The following ASTN2 variants were observed in gnomAD, a reference collection of about 807,000 sequenced individuals.
ASTN2 encodes astrotactin 2, also known as astrotactin-2.
ASTN2 carries 54 observed loss-of-function variants against 139.8 expected under a neutral mutation model. The observed-to-expected ratio is 0.39, with a 90% CI of 0.31 to 0.48. ASTN2 has a LOEUF of 0.48. ASTN2 is among the 20% of genes least tolerant of loss of function. The pLI is 0.95. For synonymous variants in ASTN2, 756 were observed against 719.5 expected (o/e 1.05, Z -0.81); for missense variants, 1,565 against 1,725.1 (o/e 0.91, Z 1.64).
chr9:117,407,508 G>A (rs1831030782), intron 1 of ASTN2, among the ~76,000 whole-genome samples: 1 of 152,198 alleles, frequency 6.6e-6, no homozygotes, highest in African/African-American at 2.4e-5. Context: ...TCCCTTCATA[G>A]TTTGTAACCT....
chr9:117,015,248 G>A (rs183199871), intron 6 of ASTN2, among the ~76,000 whole-genome samples: 83 of 152,038 alleles, frequency 5.5e-4, no homozygotes, highest in African/African-American at 1.9e-3. Context: ...CAAACTCCTG[G>A]GCTCAAGCGA....
At chr9:117,338,289 T>C (rs1828951531) in intron 1 of ASTN2, among the ~76,000 whole-genome samples, 1 of 152,130 alleles carries the variant, frequency 6.6e-6, no homozygotes, top group Non-Finnish European at 1.5e-5. Context: ...AATGGATGTG[T>C]CTCCCCCAAC....
intron 5 of ASTN2, among the ~76,000 whole-genome samples, chr9:117,089,121 T>G (rs1015416295): frequency 4.6e-5 from 7 of 152,248 alleles, no homozygotes; most frequent in African/African-American, 1.4e-4. Context: ...TTATTAGGGT[T>G]GCTTATTCCA....
At chr9:116,726,908 C>T (rs553610495) in intron 15 of ASTN2, among the ~76,000 whole-genome samples, 57 of 152,216 alleles carry the variant, frequency 3.7e-4, no homozygotes, top group Non-Finnish European at 6.3e-4. Context: ...TCTAATGAGC[C>T]ACCCACACTA....
intron 16 of ASTN2, among the ~76,000 whole-genome samples, chr9:116,695,016 T>TTAG: frequency 6.6e-6 from 1 of 152,282 alleles, no homozygotes; most frequent in East Asian, 1.9e-4. Flanking sequence ...CATAACTATA[T>TTAG]TAGTGTTCCT....
At chr9:117,278,224 G>T (rs1190062330) in intron 2 of ASTN2, among the ~76,000 whole-genome samples, 1 of 152,160 alleles carries the variant, frequency 6.6e-6, no homozygotes, top group East Asian at 1.9e-4. Flanking sequence ...TGAGGAGAAC[G>T]TTCCAATTTA....
At chr9:117,386,530 C>T (rs971744863) in intron 1 of ASTN2, among the ~76,000 whole-genome samples, 1 of 152,164 alleles carries the variant, frequency 6.6e-6, no homozygotes, top group Non-Finnish European at 1.5e-5. Context: ...GCCAACATTT[C>T]AGGGACCAGG....
In ASTN2 at chr9:117,215,337, C is replaced by T. The variant is rs1414539369; in HGVS notation, c.631-595G>A. On this transcript the variant is annotated intron_variant, in intron 2 of 22. Transcript: ENST00000313400. ...CTGTATTTTCTTCATTTTTCAGAAACACCAGTCTTTAAATTTCTGAATTTC... is the reference window on the plus strand; with the variant it reads ...CTGTATTTTCTTCATTTTTCAGAAATACCAGTCTTTAAATTTCTGAATTTC... Among the ~76,000 whole-genome samples, 4 of 152,082 alleles carry T rather than the reference C, an allele frequency of 2.6e-5. No homozygotes were observed. In the East Asian group the frequency reaches 7.7e-4, roughly 29 times the overall value.
chr9:116,915,834 C>T (rs769405208), intron 10 of ASTN2, among the ~76,000 whole-genome samples: 1 of 152,144 alleles, frequency 6.6e-6, no homozygotes, highest in Non-Finnish European at 1.5e-5. Context: ...AAATATTTCC[C>T]TGAGTTTTGT....
chr9:116,643,697 A>T (rs1307931700), intron 17 of ASTN2, among the ~76,000 whole-genome samples: 1 of 152,194 alleles, frequency 6.6e-6, no homozygotes. Context: ...CACATAGTAC[A>T]TATATATGTA....
At chr9:116,911,966 T>C (rs1433952529) in intron 10 of ASTN2, among the ~76,000 whole-genome samples, 2 of 140,480 alleles carry the variant, frequency 1.4e-5, no homozygotes, top group Non-Finnish European at 3.3e-5. Flanking sequence ...AATCTAAAAT[T>C]AGTTAAAAAA....
chr9:117,198,312 G>C (rs1211124571), intron 3 of ASTN2, among the ~76,000 whole-genome samples: 2 of 152,136 alleles, frequency 1.3e-5, no homozygotes, highest in Non-Finnish European at 2.9e-5. Context: ...AGTGTGCTGA[G>C]GGTGATGGCT....
intron 19 of ASTN2, among the ~76,000 whole-genome samples, chr9:116,503,086 G>A (rs940353534): frequency 1.3e-5 from 2 of 150,006 alleles, no homozygotes; most frequent in African/African-American, 4.9e-5. Context: ...GGGAGGAAGG[G>A]AAGGAAGATG....
At chr9:116,581,125 G>C (rs10817903) in intron 19 of ASTN2, among the ~76,000 whole-genome samples, 61,308 of 151,984 alleles carry the variant, frequency 0.4, 13,281 homozygotes, top group Admixed American at 0.5. Context: ...CTGCCGTTAA[G>C]CTTCAGTCTT....
At chr9:117,089,657 T>C (rs1156427148) in intron 5 of ASTN2, among the ~76,000 whole-genome samples, 2 of 152,120 alleles carry the variant, frequency 1.3e-5, no homozygotes, top group African/African-American at 4.8e-5. Flanking sequence ...ACCCTATTTG[T>C]AGTCTTTTAT....
At chr9:117,297,242 C>G (rs145744316) in intron 1 of ASTN2, among the ~76,000 whole-genome samples, 2 of 152,270 alleles carry the variant, frequency 1.3e-5, no homozygotes, top group Non-Finnish European at 2.9e-5. Context: ...TGATCTTTTT[C>G]TCACTGTGGG....
At chr9:116,866,373 A>G (rs1232523290) in intron 10 of ASTN2, among the ~76,000 whole-genome samples, 5 of 152,186 alleles carry the variant, frequency 3.3e-5, no homozygotes, top group African/African-American at 1.2e-4. Flanking sequence ...GATGCAGCAC[A>G]GGGACAAAGG....
At chr9:117,311,664 T>A (rs919951190) in intron 1 of ASTN2, among the ~76,000 whole-genome samples, 8 of 152,136 alleles carry the variant, frequency 5.3e-5, no homozygotes, top group African/African-American at 1.9e-4. Context: ...AAAAAACCTC[T>A]TTATTGACTG....
intron 3 of ASTN2, among the ~76,000 whole-genome samples, chr9:117,154,378 A>T (rs1588022757): frequency 6.6e-6 from 1 of 152,084 alleles, no homozygotes; most frequent in Non-Finnish European, 1.5e-5. Context: ...CACAAGCAGG[A>T]AGCTAGAGAG....
Sources: allele counts gnomAD v4.1 joint callset (sites outside exome capture counted in the v4.1 genomes callset), GRCh38; gene constraint gnomAD v4.1.1; transcripts MANE v1.5; gene names NCBI Gene and HGNC (gene_info 2026-07-23, HGNC 2026-07-21).